Variants in CLDN14 observed in about 807,000 individuals in gnomAD.
CLDN14 encodes the protein claudin-14.
In CLDN14, 2 loss-of-function variants were observed where a neutral mutation model predicts 2.1. That is an observed-to-expected ratio of 0.96 (90% CI 0.39 to 3.01). The LOEUF is 3.01. CLDN14 is among the 30% of genes most tolerant of loss of function. CLDN14 has a pLI of 0.09. For missense variants in CLDN14, 298 were observed against 328.0 expected (o/e 0.91, Z 0.71); for synonymous variants, 136 against 154.4 (o/e 0.88, Z 0.88).
At chr21:36,493,494 G>A (rs1013553061) in intron 2 of CLDN14, among the ~76,000 whole-genome samples, 2 of 152,116 alleles carry the variant, frequency 1.3e-5, no homozygotes, top group Non-Finnish European at 2.9e-5. Context: ...ATAAAGACCT[G>A]GGCCTGCAGG....
intron 2 of CLDN14, among the ~76,000 whole-genome samples, chr21:36,492,633 A>C (rs115498438): frequency 0.011 from 1,685 of 152,200 alleles, 26 homozygotes; most frequent in African/African-American, 0.039. Flanking sequence ...TGTCTCAAAC[A>C]AAACAAAACG....
chr21:36,475,282 T>A (rs1474203990), intron 1 of CLDN14, among the ~76,000 whole-genome samples: 1 of 152,122 alleles, frequency 6.6e-6, no homozygotes, highest in African/African-American at 2.4e-5. Flanking sequence ...GGTGTGAACA[T>A]CATGGCGGGC....
At chr21:36,518,805 C>T (rs2146491267) in intron 1 of CLDN14, among the ~76,000 whole-genome samples, 1 of 152,296 alleles carries the variant, frequency 6.6e-6, no homozygotes, top group South Asian at 2.1e-4. Flanking sequence ...ATCAGGCACA[C>T]AATTAATGGG....
intron 1 of CLDN14, among the ~76,000 whole-genome samples, chr21:36,517,008 T>C (rs1053070237): frequency 6.6e-6 from 1 of 152,034 alleles, no homozygotes; most frequent in African/African-American, 2.4e-5. Context: ...CCTGGCTAAT[T>C]TTAGTATTTT....
chr21:36,554,678 T>C (rs998714415), intron 1 of CLDN14, among the ~76,000 whole-genome samples: 2 of 152,058 alleles, frequency 1.3e-5, no homozygotes, highest in Non-Finnish European at 2.9e-5. Flanking sequence ...TTTGAGCCAC[T>C]AGATTGAAGG....
At chr21:36,565,094 C>T (rs987351623) in intron 1 of CLDN14, among the ~76,000 whole-genome samples, 8 of 152,186 alleles carry the variant, frequency 5.3e-5, no homozygotes, top group Admixed American at 2.0e-4. Context: ...ACAGCGGCCA[C>T]GGGAAGCTAA....
intron 2 of CLDN14, among the ~76,000 whole-genome samples, chr21:36,503,592 C>G (rs1484027355): frequency 6.6e-6 from 1 of 152,186 alleles, no homozygotes; most frequent in African/African-American, 2.4e-5. Context: ...TGAAGCTTCC[C>G]CAGCCACATG....
At chr21:36,535,165 G>A (rs912209545) in intron 1 of CLDN14, among the ~76,000 whole-genome samples, 23 of 152,046 alleles carry the variant, frequency 1.5e-4, no homozygotes, top group African/African-American at 4.8e-4. Flanking sequence ...CTGAGGGGGC[G>A]GATCACCTGA....
At chr21:36,492,586 G>A (rs549003320) in intron 2 of CLDN14, among the ~76,000 whole-genome samples, 49 of 152,168 alleles carry the variant, frequency 3.2e-4, no homozygotes, top group African/African-American at 1.1e-3. Context: ...CAGTGATTGT[G>A]CCACTGCACT....
At chr21:36,474,891 A>C (rs2086756452) in intron 1 of CLDN14, among the ~76,000 whole-genome samples, 1 of 152,110 alleles carries the variant, frequency 6.6e-6, no homozygotes, top group South Asian at 2.1e-4. Flanking sequence ...AGGCTGGGGG[A>C]GATGTCAGTG....
At chr21:36,533,468 A>G (rs576909299) in intron 1 of CLDN14, among the ~76,000 whole-genome samples, 1 of 152,310 alleles carries the variant, frequency 6.6e-6, no homozygotes, top group African/African-American at 2.4e-5. Context: ...TCCAGCATCG[A>G]GAGTTTAAAG....
At chr21:36,573,408 T>C (rs2087722841) in intron 1 of CLDN14, among the ~76,000 whole-genome samples, 1 of 152,160 alleles carries the variant, frequency 6.6e-6, no homozygotes. Context: ...TATAAGTAGT[T>C]ACAAAGTTCT....
rs60605101 is a variant in CLDN14 at position 36,486,659 on chromosome 21, A to T, written c.-82+23704T>A. The T allele has an allele frequency of 4.1e-6, 6 of 1,461,084 alleles. No individual in the cohort carries two copies. The African/African-American group carries it at 5.6e-5, about 14-fold the overall frequency. 90.5% of individuals were successfully genotyped at this position (1,461,084 alleles called of 1,614,324 possible). On this transcript the variant is annotated intron_variant, in intron 2 of 2. Transcript: ENST00000342108. Reference sequence around the variant, plus strand: ...AAAGGCTGTCAGCTTTTCTCTGTTCACCTCCTCTTCCCCCAAATTTATCAT... The same window carrying T: ...AAAGGCTGTCAGCTTTTCTCTGTTCTCCTCCTCTTCCCCCAAATTTATCAT...
chr21:36,536,639 GTTTA>G (rs1401013894), intron 1 of CLDN14, among the ~76,000 whole-genome samples: 1 of 152,138 alleles, frequency 6.6e-6, no homozygotes, highest in African/African-American at 2.4e-5. Context: ...GAAATTTTGC[GTTTA>G]GTTATACGAA....
At chr21:36,464,815 G>C (rs1280472326) in intron 1 of CLDN14, among the ~76,000 whole-genome samples, 1 of 152,224 alleles carries the variant, frequency 6.6e-6, no homozygotes, top group Non-Finnish European at 1.5e-5. Context: ...GAGGAGCAGA[G>C]GATGAAAGTT....
chr21:36,540,902 G>A (rs1474398044), intron 1 of CLDN14, among the ~76,000 whole-genome samples: 3 of 152,188 alleles, frequency 2.0e-5, no homozygotes. Context: ...GATTGGAGGT[G>A]GGCAAGAGTA....
At chr21:36,512,672 T>C (rs1841585634) in intron 1 of CLDN14, among the ~76,000 whole-genome samples, 1 of 152,138 alleles carries the variant, frequency 6.6e-6, no homozygotes, top group Non-Finnish European at 1.5e-5. Flanking sequence ...CACAGATGTG[T>C]GTGGACATAT....
At chr21:36,513,283 C>T (rs1247647432) in intron 1 of CLDN14, among the ~76,000 whole-genome samples, 1 of 152,132 alleles carries the variant, frequency 6.6e-6, no homozygotes, top group East Asian at 1.9e-4. Context: ...CCACTTTTTC[C>T]TTCAACAGGA....
chr21:36,506,254 G>T (rs1047569289), intron 2 of CLDN14, among the ~76,000 whole-genome samples: 2 of 152,216 alleles, frequency 1.3e-5, no homozygotes, highest in Non-Finnish European at 2.9e-5. Flanking sequence ...TTAAGTGAAG[G>T]AAGCAAGTTG....
Sources: allele counts gnomAD v4.1 joint callset (sites outside exome capture counted in the v4.1 genomes callset), GRCh38; gene constraint gnomAD v4.1.1; transcripts MANE v1.5; gene names NCBI Gene and HGNC (gene_info 2026-07-23, HGNC 2026-07-21).